The following SBF2 variants were observed in gnomAD, a reference collection of about 807,000 sequenced individuals.
The protein encoded by SBF2 is SET binding factor 2, also known as myotubularin-related protein 13.
SBF2 carries 112 observed loss-of-function variants against 225.2 expected under a neutral mutation model. That is an observed-to-expected ratio of 0.50 (90% CI 0.43 to 0.58). The LOEUF (loss-of-function observed/expected upper bound fraction) is 0.58. Among genes scored for constraint, SBF2 ranks in the 20% least tolerant of loss-of-function variants. The probability of loss-of-function intolerance (pLI) is 0.00; values close to 1 mark genes in which losing one functional copy is unlikely to be tolerated. For missense variants in SBF2, 1,996 were observed against 2,206.2 expected, an observed-to-expected ratio of 0.90 and a Z score of 1.91; for synonymous variants, 763 against 773.3, an observed-to-expected ratio of 0.99 and a Z score of 0.22.
intron 6 of SBF2, among the ~76,000 whole-genome samples, chr11:10,005,406 C>T (rs1174803371): frequency 6.6e-6 from 1 of 152,132 alleles, no homozygotes; most frequent in Admixed American, 6.5e-5. Context: ...AGATGCAAGA[C>T]CCCGGACACA....
chr11:10,070,174 G>C (rs2134801804), intron 2 of SBF2, among the ~76,000 whole-genome samples: 1 of 152,242 alleles, frequency 6.6e-6, no homozygotes. Flanking sequence ...GATCCCATTT[G>C]TCAATTTTGG....
chr11:10,200,379 C>T (rs1260442605), intron 1 of SBF2, among the ~76,000 whole-genome samples: 1 of 152,180 alleles, frequency 6.6e-6, no homozygotes, highest in East Asian at 1.9e-4. Context: ...GTTGAGATTA[C>T]TGAGCCGGTC....
chr11:10,087,471 G>A (rs980403955), intron 2 of SBF2, among the ~76,000 whole-genome samples: 4 of 152,136 alleles, frequency 2.6e-5, no homozygotes, highest in African/African-American at 9.7e-5. Context: ...GCTGCATTAA[G>A]TAAACAAGCA....
At chr11:10,145,831 T>C (rs1591063226) in intron 2 of SBF2, among the ~76,000 whole-genome samples, 1 of 152,166 alleles carries the variant, frequency 6.6e-6, no homozygotes, top group East Asian at 1.9e-4. Flanking sequence ...AATGTCACGG[T>C]CTTGGCCCAA....
chr11:9,808,824 G>C (rs1853997798), intron 31 of SBF2, 77 bp downstream of exon 31: 2 of 1,044,898 alleles, frequency 1.9e-6, no homozygotes, highest in Non-Finnish European at 2.9e-6. Flanking sequence ...TTATACAAAA[G>C]AGTCATCTGA....
rs150475271 is a variant in SBF2 at position 9,913,094 on chromosome 11, G to A, written c.1861-17083C>T. On this transcript the variant is annotated intron_variant, in intron 16 of 39. Coordinates refer to ENST00000256190, the MANE Select transcript of SBF2 (RefSeq NM_030962.4). ...AGCCCAGGAGTTCAAGACCAGCCTG[G>A]GCAACATGGTGAAACCCTGTTTCTA... Among the ~76,000 whole-genome samples, 64 of 152,238 alleles carry A rather than the reference G, an allele frequency of 4.2e-4. No homozygotes were observed. The East Asian group carries it at 0.012, about 29-fold the overall frequency.
intron 38 of SBF2, among the ~76,000 whole-genome samples, chr11:9,783,643 G>T (rs1852179060): frequency 1.3e-5 from 2 of 152,166 alleles, no homozygotes; most frequent in South Asian, 2.1e-4. Flanking sequence ...TGATGCTAAG[G>T]ATTGCAGAGG....
intron 2 of SBF2, among the ~76,000 whole-genome samples, chr11:10,120,157 A>T (rs1041153632): frequency 6.6e-6 from 1 of 152,192 alleles, no homozygotes; most frequent in Admixed American, 6.5e-5. Context: ...ACTACTTTAG[A>T]GACCTGTTAT....
chr11:9,881,602 C>G (rs910169722), intron 17 of SBF2, among the ~76,000 whole-genome samples: 1 of 152,112 alleles, frequency 6.6e-6, no homozygotes, highest in African/African-American at 2.4e-5. Context: ...CATGATAACA[C>G]TTTGGCATGG....
chr11:10,023,616 A>G (rs1193928090), intron 6 of SBF2, among the ~76,000 whole-genome samples: 3 of 152,206 alleles, frequency 2.0e-5, no homozygotes, highest in South Asian at 2.1e-4. Context: ...CATAAACACA[A>G]TCATATAATA....
At chr11:10,065,379 G>C (rs1018199494) in intron 2 of SBF2, among the ~76,000 whole-genome samples, 5 of 151,726 alleles carry the variant, frequency 3.3e-5, no homozygotes, top group African/African-American at 1.2e-4. Context: ...TTAAATCAAA[G>C]TAAATAAACA....
chr11:9,794,675 TCAAAAAAA>T (rs1852985131), intron 33 of SBF2, among the ~76,000 whole-genome samples: 1 of 1,468 alleles, frequency 6.8e-4, no homozygotes, highest in South Asian at 0.011. Flanking sequence ...GGACTCCGTC[TCAAAAAAA>T]AAAAAAAAAA....
At chr11:10,142,177 C>T (rs61878658) in intron 2 of SBF2, among the ~76,000 whole-genome samples, 3 of 152,038 alleles carry the variant, frequency 2.0e-5, no homozygotes, top group East Asian at 1.9e-4. Context: ...AGTATAGATA[C>T]GGATAACCAG....
chr11:9,965,091 T>C (rs572349579), intron 14 of SBF2, among the ~76,000 whole-genome samples: 4 of 152,146 alleles, frequency 2.6e-5, no homozygotes, highest in African/African-American at 9.6e-5. Flanking sequence ...GTACACATTA[T>C]TTAGCTCCCA....
intron 16 of SBF2, among the ~76,000 whole-genome samples, chr11:9,896,903 T>C (rs1188944188): frequency 1.3e-5 from 2 of 151,938 alleles, no homozygotes; most frequent in East Asian, 3.9e-4. Flanking sequence ...GGTCAGGAAA[T>C]CTCAGTGGGA....
intron 17 of SBF2, among the ~76,000 whole-genome samples, chr11:9,858,746 C>A (rs1222077899): frequency 6.6e-6 from 1 of 152,166 alleles, no homozygotes; most frequent in Admixed American, 6.5e-5. Context: ...ACGATGTAAA[C>A]ATAAAACTCC....
intron 2 of SBF2, among the ~76,000 whole-genome samples, chr11:10,180,061 A>G (rs984398657): frequency 2.0e-5 from 3 of 152,046 alleles, no homozygotes; most frequent in African/African-American, 7.2e-5. Flanking sequence ...ATTGCTCTGT[A>G]TATGTCTTGA....
intron 32 of SBF2, among the ~76,000 whole-genome samples, chr11:9,797,347 T>G (rs1023520369): frequency 1.3e-5 from 2 of 152,230 alleles, no homozygotes; most frequent in African/African-American, 4.8e-5. Context: ...TCTTACTGGC[T>G]TTTGAATTGA....
chr11:9,851,185 T>G (rs1856926259), intron 21 of SBF2, among the ~76,000 whole-genome samples: 1 of 149,856 alleles, frequency 6.7e-6, no homozygotes, highest in Non-Finnish European at 1.5e-5. Flanking sequence ...CATAGATTAG[T>G]TAAAAAAGCA....
Sources: allele counts gnomAD v4.1 joint callset (sites outside exome capture counted in the v4.1 genomes callset), GRCh38; gene constraint gnomAD v4.1.1; transcripts MANE v1.5; gene names NCBI Gene and HGNC (gene_info 2026-07-23, HGNC 2026-07-21).